The following PIRT variants were observed in gnomAD, a reference collection of about 807,000 sequenced individuals.
The protein encoded by PIRT is phosphoinositide interacting regulator of transient receptor potential channels.
PIRT carries 6 observed loss-of-function variants against 7.9 expected under a neutral mutation model. The observed-to-expected ratio is 0.76, with a 90% CI of 0.42 to 1.51. The LOEUF is 1.51. PIRT is among the 40% of genes most tolerant of loss of function. The pLI, the probability that PIRT is intolerant of heterozygous loss-of-function variation, is 0.01. For synonymous variants in PIRT, 78 were observed against 71.8 expected, an observed-to-expected ratio of 1.09 and a Z score of -0.44; for missense variants, 170 against 172.9, an observed-to-expected ratio of 0.98 and a Z score of 0.09.
intron 1 of PIRT, among the ~76,000 whole-genome samples, chr17:10,830,415 T>C (rs1905436127): frequency 6.6e-6 from 1 of 152,198 alleles, no homozygotes; most frequent in Admixed American, 6.5e-5. Context: ...GTTTGCCACT[T>C]ACATGCTGTG....
At chr17:10,827,437 ATTTCTTTCT>A (rs1170383269) in intron 1 of PIRT, among the ~76,000 whole-genome samples, 1 of 95,058 alleles carries the variant, frequency 1.1e-5, no homozygotes, top group African/African-American at 4.3e-5. Flanking sequence ...CGATTAAAGC[ATTTCTTTCT>A]TTTCTTTCTT....
At position 10,833,921 on chromosome 17, in the gene PIRT, C is replaced by G. The variant is rs531550866; in HGVS notation, c.-139+4024G>C. Among the ~76,000 whole-genome samples, 3 of 152,078 alleles carry G rather than the reference C, an allele frequency of 2.0e-5. No individual in the cohort carries two copies. In the East Asian group the frequency reaches 5.8e-4, roughly 29 times the overall value. On this transcript the variant is annotated intron_variant, in intron 1 of 1. Transcript: ENST00000580256. Reference sequence around the variant, plus strand: ...AGGAAAATACAAATTAAAGCCACAACGAGACATCACCACACATGCACTACA... The same window carrying G: ...AGGAAAATACAAATTAAAGCCACAAGGAGACATCACCACACATGCACTACA...
intron 1 of PIRT, among the ~76,000 whole-genome samples, chr17:10,835,608 C>T (rs576491671): frequency 6.6e-6 from 1 of 152,332 alleles, no homozygotes; most frequent in East Asian, 1.9e-4. Flanking sequence ...GTGAACAGAA[C>T]TGCAGCCTTG....
chr17:10,823,849 G>T lies in PIRT; in HGVS notation c.*1383C>A, dbSNP rs1490552114. ...GCTGCGCTAGGCACTTGGTGAAGAG[G>T]TGGGAAGCCGGGAAAGAGAGGGATG... On this transcript the variant is annotated 3_prime_UTR_variant, in exon 2 of 2. Coordinates refer to ENST00000580256, the MANE Select transcript of PIRT (RefSeq NM_001101387.2). The T allele has an allele frequency of 6.6e-6, 1 of 152,228 alleles. No individual in the cohort carries two copies. Among genetic ancestry groups the T allele is most frequent in the South Asian group, 2.1e-4 (1 of 4,832 alleles). The allele number at this position is 152,228 out of a possible 1,614,324, so 9.4% of individuals were successfully genotyped here.
At chr17:10,830,029 A>G (rs1478315571) in intron 1 of PIRT, among the ~76,000 whole-genome samples, 1 of 151,724 alleles carries the variant, frequency 6.6e-6, no homozygotes, top group Non-Finnish European at 1.5e-5. Context: ...TCTATCTGCA[A>G]TGGTCCATGA....
chr17:10,835,866 G>A (rs930916197), intron 1 of PIRT, among the ~76,000 whole-genome samples: 2 of 151,674 alleles, frequency 1.3e-5, no homozygotes, highest in African/African-American at 4.8e-5. Context: ...TTTGCAGCTA[G>A]GAGCACAGGC....
intron 1 of PIRT, among the ~76,000 whole-genome samples, chr17:10,834,202 A>T (rs912660769): frequency 2.1e-4 from 32 of 152,352 alleles, no homozygotes; most frequent in Middle Eastern, 3.4e-3. Context: ...AAGAAAAAGA[A>T]AAAGAAAACA....
At chr17:10,826,825 T>C (rs1304659700) in intron 1 of PIRT, among the ~76,000 whole-genome samples, 1 of 152,006 alleles carries the variant, frequency 6.6e-6, no homozygotes, top group African/African-American at 2.4e-5. Flanking sequence ...CTTCTTTTTT[T>C]TTTTGAGATG....
intron 1 of PIRT, among the ~76,000 whole-genome samples, chr17:10,832,901 G>T (rs532963603): frequency 6.6e-6 from 1 of 152,310 alleles, no homozygotes; most frequent in Non-Finnish European, 1.5e-5. Flanking sequence ...ATGAGAGGGG[G>T]TCTGGGGATC....
At position 10,835,667 on chromosome 17, in the gene PIRT, G is replaced by A. The variant is rs894576285; in HGVS notation, c.-139+2278C>T. ...GTTGGTTAGAGCTGCCAAGGACGCC[G>A]GGGTCCCCGAGCTGGGGCCAGCAAG... On this transcript the variant is annotated intron_variant, in intron 1 of 1. Transcript: ENST00000580256. Among the ~76,000 whole-genome samples the A allele has an allele frequency of 1.2e-4, 19 of 152,368 alleles. 1 individual carries two copies. Among genetic ancestry groups the A allele is most frequent in the Admixed American group, 8.5e-4 (13 of 15,306 alleles).
Position 10,827,476 on chromosome 17 carries a change from T to C in PIRT, c.-138-1693A>G, listed in dbSNP as rs1217657352. Among the ~76,000 whole-genome samples, 134 of 129,830 alleles carry C rather than the reference T, an allele frequency of 1.0e-3. 2 individuals carry two copies. The highest frequency in any genetic ancestry group is 3.5e-3 in the African/African-American group (119 of 33,556). 85.2% of individuals were successfully genotyped at this position (129,830 alleles called of 152,430 possible). A position where few individuals can be genotyped will look rare whatever the true frequency, so the allele number is the denominator to read the frequency against. On this transcript the variant is annotated intron_variant, in intron 1 of 1. Coordinates refer to ENST00000580256, the MANE Select transcript of PIRT (RefSeq NM_001101387.2). ...TTTCTTTTTCTTTTCTTTTTTTTTT[T>C]TTTTTTTTTTTTTTTGAAGTGGAGT...
intron 1 of PIRT, among the ~76,000 whole-genome samples, chr17:10,832,412 C>T (rs911600915): frequency 2.6e-5 from 4 of 152,118 alleles, no homozygotes; most frequent in African/African-American, 2.4e-5. Flanking sequence ...AGGCTGGTCT[C>T]GAACTCCCAA....
Position 10,825,417 on chromosome 17 carries a change from A to G in PIRT, c.229T>C (p.Tyr77His). The change falls in exon 2 of 2, where the codon TAC becomes CAC. Residue 77 changes from tyrosine (Y) to histidine (H), a missense_variant. Coordinates refer to ENST00000580256, the MANE Select transcript of PIRT (RefSeq NM_001101387.2). ...CTCTTGTCACTCAGCTTCAAGGTGT[A>G]GGCCAAGCAGGTGATGACCACGCCG... ...LFGVVITCLA[Y>H]TLKLSDKSLS... 1 of 1,613,976 alleles carries G rather than the reference A, an allele frequency of 6.2e-7. No individual in the cohort carries two copies. The highest frequency in any genetic ancestry group is 1.1e-5 in the South Asian group (1 of 91,078).
At chr17:10,832,394 T>C (rs987531932) in intron 1 of PIRT, among the ~76,000 whole-genome samples, 1 of 152,148 alleles carries the variant, frequency 6.6e-6, no homozygotes, top group South Asian at 2.1e-4. Context: ...GGTTTCTCTA[T>C]GTTGGTCAGG....
At chr17:10,835,765 A>G (rs1905573808) in intron 1 of PIRT, among the ~76,000 whole-genome samples, 1 of 152,210 alleles carries the variant, frequency 6.6e-6, no homozygotes, top group Admixed American at 6.5e-5. Context: ...CACAAATCCA[A>G]CGTAAGATGC....
Position 10,825,166 on chromosome 17 carries a change from G to T in PIRT, c.*66C>A. 6.4e-7 allele frequency: 1 copy of T among 1,552,238 alleles called. No individual in the cohort carries two copies. The highest frequency in any genetic ancestry group is 8.8e-7 in the Non-Finnish European group (1 of 1,141,056). On this transcript the variant is annotated 3_prime_UTR_variant, in exon 2 of 2. Transcript: ENST00000580256. ...TTATGGCACCCCACAGAGGAGACAG[G>T]GATGTCGGATGTTGGTCATCAGATC...
intron 1 of PIRT, among the ~76,000 whole-genome samples, chr17:10,827,540 T>A (rs188810045): frequency 9.4e-5 from 13 of 138,606 alleles, no homozygotes; most frequent in Admixed American, 2.4e-4. Flanking sequence ...AGTGGTGCGA[T>A]CTTGGCTCAC....
intron 1 of PIRT, among the ~76,000 whole-genome samples, chr17:10,833,807 A>T (rs1905519966): frequency 6.6e-6 from 1 of 152,230 alleles, no homozygotes; most frequent in South Asian, 2.1e-4. Context: ...CAAAGAGCCC[A>T]GTTAAAATGG....
At chr17:10,831,175 G>A (rs1200861758) in intron 1 of PIRT, among the ~76,000 whole-genome samples, 1 of 152,140 alleles carries the variant, frequency 6.6e-6, no homozygotes, top group Non-Finnish European at 1.5e-5. Flanking sequence ...CTCTGTCGGG[G>A]ACAAGGTAAC....
Sources: gnomAD v4.1 joint callset for allele counts (sites outside exome capture counted in the v4.1 genomes callset) on GRCh38, gnomAD v4.1.1 for gene constraint, MANE v1.5 for transcripts, NCBI Gene and HGNC (gene_info 2026-07-23, HGNC 2026-07-21) for gene names.